Variants in EYS observed in about 807,000 individuals in gnomAD.
EYS encodes the protein EGF-like photoreceptor maintenance factor, also known as protein eyes shut homolog.
Under a neutral mutation model 282.1 loss-of-function variants are expected in EYS, and 250 were observed. The observed-to-expected ratio is 0.89, with a 90% confidence interval of 0.80 to 0.98. The LOEUF is 0.98. EYS is among the 50% of genes least tolerant of loss of function. The pLI, the probability that EYS is intolerant of heterozygous loss-of-function variation, is 0.00. For missense variants in EYS, 4,016 were observed against 3,709.0 expected (o/e 1.08, Z -2.15); for synonymous variants, 1,355 against 1,282.9 (o/e 1.06, Z -1.20).
At chr6:64,914,080 T>G (rs1463699890) in intron 15 of EYS, among the ~76,000 whole-genome samples, 1 of 151,740 alleles carries the variant, frequency 6.6e-6, no homozygotes, top group South Asian at 2.1e-4. Context: ...AGGGGGAAAG[T>G]GTTTTACACA....
At chr6:64,533,132 C>G (rs1449657735) in intron 26 of EYS, among the ~76,000 whole-genome samples, 5 of 152,134 alleles carry the variant, frequency 3.3e-5, no homozygotes, top group Non-Finnish European at 7.4e-5. Context: ...ATAAGTGAAT[C>G]TGAAGGCTTT....
intron 27 of EYS, among the ~76,000 whole-genome samples, chr6:64,436,556 C>G (rs1410462601): frequency 6.6e-6 from 1 of 151,782 alleles, no homozygotes; most frequent in African/African-American, 2.4e-5. Flanking sequence ...AGAAAAGCAA[C>G]ATCCTCTACT....
chr6:65,618,434 T>C (rs1448745280), intron 2 of EYS, among the ~76,000 whole-genome samples: 9 of 152,254 alleles, frequency 5.9e-5, no homozygotes, highest in Non-Finnish European at 1.0e-4. Flanking sequence ...TTTGAGTTCA[T>C]TGTAGATTCT....
chr6:64,422,394 T>C (rs996438250), intron 28 of EYS, among the ~76,000 whole-genome samples: 1 of 152,198 alleles, frequency 6.6e-6, no homozygotes, highest in Non-Finnish European at 1.5e-5. Flanking sequence ...GCATGTATGT[T>C]CTACTTTGTA....
chr6:64,228,856 G>GAAA (rs1477731869), intron 31 of EYS, among the ~76,000 whole-genome samples: 1 of 152,106 alleles, frequency 6.6e-6, no homozygotes, highest in Non-Finnish European at 1.5e-5. Context: ...AAGTGTTAAA[G>GAAA]ATACTAGGTA....
intron 28 of EYS, among the ~76,000 whole-genome samples, chr6:64,399,980 T>C (rs1259743894): frequency 6.6e-6 from 1 of 151,942 alleles, no homozygotes; most frequent in Non-Finnish European, 1.5e-5. Context: ...AGAACAGCAA[T>C]GGATCAGGTG....
chr6:65,237,230 T>C (rs1467846927), intron 12 of EYS, among the ~76,000 whole-genome samples: 1 of 152,148 alleles, frequency 6.6e-6, no homozygotes, highest in Admixed American at 6.5e-5. Context: ...ACTATAACTG[T>C]TTTTGCATAT....
intron 40 of EYS, among the ~76,000 whole-genome samples, chr6:63,764,740 CA>C (rs1769741714): frequency 6.6e-6 from 1 of 151,672 alleles, no homozygotes; most frequent in Admixed American, 6.6e-5. Context: ...ATATAGATGC[CA>C]AAATCTTATT....
At chr6:65,253,234 A>G (rs1358158881) in intron 12 of EYS, among the ~76,000 whole-genome samples, 1 of 151,908 alleles carries the variant, frequency 6.6e-6, no homozygotes, top group Non-Finnish European at 1.5e-5. Context: ...TTGCTGTTGG[A>G]CTCCCACATA....
chr6:63,745,587 C>T (rs901057398), intron 41 of EYS, among the ~76,000 whole-genome samples: 69 of 152,116 alleles, frequency 4.5e-4, no homozygotes, highest in African/African-American at 1.7e-3. Context: ...TGCCTATTCA[C>T]ATAAAGAGTA....
chr6:64,995,883 A>G (rs1256663700), intron 14 of EYS, among the ~76,000 whole-genome samples: 1 of 152,122 alleles, frequency 6.6e-6, no homozygotes, highest in Non-Finnish European at 1.5e-5. Flanking sequence ...CAAGATGTAA[A>G]GTTGTACTCC....
In EYS at chr6:65,172,486, A is replaced by T. The variant is rs187554691; in HGVS notation, c.2024-114759T>A. ...TCCTGAAGAGGGAAAGATAAATTCAAAGAATATATTTACCTATTTATGTTT... is the reference window on the plus strand; with the variant it reads ...TCCTGAAGAGGGAAAGATAAATTCATAGAATATATTTACCTATTTATGTTT... On this transcript the variant is annotated intron_variant, in intron 12 of 42. Transcript: ENST00000503581. Among the ~76,000 whole-genome samples the T allele has an allele frequency of 6.4e-3, 975 of 151,480 alleles. 12 individuals carry two copies. The highest frequency in any genetic ancestry group is 0.022 in the African/African-American group (917 of 41,466).
chr6:65,524,642 CTA>C lies in EYS; in HGVS notation c.-332-28651_-332-28650del, dbSNP rs1183894520. ...GAAGACATGGAAACACTGGTGAAAT[CTA>C]TGAGTGTGGTTTCACTGCCACACTT... On this transcript the variant is annotated intron_variant, in intron 2 of 42. Transcript: ENST00000503581. Among the ~76,000 whole-genome samples the C allele has an allele frequency of 2.0e-5, 3 of 152,286 alleles. No homozygotes were observed. In the East Asian group the frequency reaches 5.8e-4, roughly 30 times the overall value.
At chr6:64,027,375 A>G (rs530649951) in intron 33 of EYS, among the ~76,000 whole-genome samples, 1 of 152,316 alleles carries the variant, frequency 6.6e-6, no homozygotes, top group African/African-American at 2.4e-5. Context: ...TCCAAGGTCA[A>G]TTGATTCTAA....
At chr6:64,870,004 A>G (rs1766542154) in intron 19 of EYS, among the ~76,000 whole-genome samples, 1 of 151,692 alleles carries the variant, frequency 6.6e-6, no homozygotes, top group Non-Finnish European at 1.5e-5. Context: ...GAAAAAAAAG[A>G]CATCTAAGAT....
chr6:65,565,496 G>T (rs978334459), intron 2 of EYS, among the ~76,000 whole-genome samples: 1 of 152,046 alleles, frequency 6.6e-6, no homozygotes, highest in Non-Finnish European at 1.5e-5. Context: ...TTACACTGTT[G>T]GTGGGAGTAT....
chr6:64,287,058 C>T (rs1768528769), intron 30 of EYS, among the ~76,000 whole-genome samples: 1 of 152,076 alleles, frequency 6.6e-6, no homozygotes. Context: ...CCTTTATTTT[C>T]CTTTTAAGAT....
chr6:64,801,577 T>C (rs1411391297), intron 22 of EYS, among the ~76,000 whole-genome samples: 1 of 152,194 alleles, frequency 6.6e-6, no homozygotes, highest in African/African-American at 2.4e-5. Context: ...TTTCTACCTT[T>C]GTTGATGAAT....
chr6:64,916,802 A>T (rs1335262460), intron 15 of EYS, among the ~76,000 whole-genome samples: 1 of 152,214 alleles, frequency 6.6e-6, no homozygotes, highest in African/African-American at 2.4e-5. Context: ...AATACATTCT[A>T]ATTTGCTCTT....
Sources: gnomAD v4.1 joint callset for allele counts (sites outside exome capture counted in the v4.1 genomes callset) on GRCh38, gnomAD v4.1.1 for gene constraint, MANE v1.5 for transcripts, NCBI Gene and HGNC (gene_info 2026-07-23, HGNC 2026-07-21) for gene names.